The following PHEX variants were observed in gnomAD, a reference collection of about 807,000 sequenced individuals.
The protein encoded by PHEX is phosphate-regulating neutral endopeptidase PHEX.
A neutral mutation model predicts 68.0 loss-of-function variants in PHEX; 16 were observed. That is an observed-to-expected ratio of 0.24 (90% CI 0.16 to 0.36). The LOEUF is 0.36. Among genes scored for constraint, PHEX ranks in the 10% least tolerant of loss-of-function variants. The pLI is 1.00. For synonymous variants in PHEX, 208 were observed against 205.1 expected, an observed-to-expected ratio of 1.01 and a Z score of -0.12; for missense variants, 480 against 575.5, an observed-to-expected ratio of 0.83 and a Z score of 1.70.
At chrX:22,086,892 T>G (rs1034828961) in intron 5 of PHEX, among the ~76,000 whole-genome samples, 2 of 112,491 alleles carry the variant, frequency 1.8e-5, no homozygotes, top group African/African-American at 6.5e-5. Flanking sequence ...AAAACATACT[T>G]TATTTTCTGC....
Position 22,190,671 on chromosome X carries a change from C to T in PHEX, c.1645+169C>T, listed in dbSNP as rs113381174. Among the ~76,000 whole-genome samples, 2,705 of 111,681 alleles carry T rather than the reference C, an allele frequency of 0.024. 79 individuals are homozygous for T. Among genetic ancestry groups the T allele is most frequent in the African/African-American group, 0.083 (2,526 of 30,511 alleles). ...TATGCCAAATTTTCCTCACTCTCTT[C>T]ACCTTACCAGTTTTTTTTAAAGCTT... On this transcript the variant is annotated intron_variant, in intron 15 of 21. Transcript: ENST00000379374.
At chrX:22,196,867 G>C (rs35972604) in intron 15 of PHEX, among the ~76,000 whole-genome samples, 11,987 of 111,070 alleles carry the variant, frequency 0.11, 1,604 homozygotes, top group African/African-American at 0.37. Flanking sequence ...TGGGCTTATG[G>C]GGGCATCGAA....
At chrX:22,060,032 G>A (rs1023994551) in intron 3 of PHEX, among the ~76,000 whole-genome samples, 5 of 109,867 alleles carry the variant, frequency 4.6e-5, no homozygotes, top group South Asian at 3.9e-4. Flanking sequence ...GTGTACATCT[G>A]TAGTCCCAGC....
chrX:22,235,460 C>T (rs151044551), intron 20 of PHEX, among the ~76,000 whole-genome samples: 1,576 of 111,792 alleles, frequency 0.014, 15 homozygotes, highest in Middle Eastern at 0.023. Context: ...AGTCTGCGAT[C>T]AGAGTGCTAG....
At chrX:22,233,027 TA>T (rs1450826996) in intron 20 of PHEX, among the ~76,000 whole-genome samples, 1 of 111,621 alleles carries the variant, frequency 9.0e-6, no homozygotes, top group Non-Finnish European at 1.9e-5. Context: ...TGCTTGTCTG[TA>T]AAGGATTTTA....
intron 11 of PHEX, among the ~76,000 whole-genome samples, chrX:22,124,432 GC>G (rs1438980986): frequency 1.8e-5 from 2 of 111,679 alleles, no homozygotes; most frequent in African/African-American, 6.5e-5. Context: ...CATATTATCA[GC>G]CACAGTCTTG....
chrX:22,226,460 C>G lies in PHEX; in HGVS notation c.1917C>G (p.Thr639=). ...KAGLNVKGKR[T]LGENIADNGG... is the part of the protein sequence containing the mutation. The stretch of plus-strand genomic sequence containing the variant: ...TCTGTTAGGTCAAGGGGAAGAGGAC[C>G]CTGGGAGAAAATATTGCTGATAATG... The change falls in exon 19 of 22, where the codon ACC becomes ACG. Residue 639 remains threonine, a synonymous_variant. Coordinates refer to ENST00000379374, the MANE Select transcript of PHEX (RefSeq NM_000444.6). 1.7e-6 allele frequency: 2 copies of G among 1,204,628 alleles called. No individual in the cohort carries two copies. The highest frequency in any genetic ancestry group is 2.2e-6 in the Non-Finnish European group (2 of 890,488).
intron 3 of PHEX, among the ~76,000 whole-genome samples, chrX:22,054,940 G>A (rs1431051585): frequency 3.7e-5 from 4 of 108,745 alleles, no homozygotes; most frequent in African/African-American, 1.3e-4. Flanking sequence ...TTGGGAAGCC[G>A]AGGCGGTTGG....
At chrX:22,216,492 C>G (rs980872176) in intron 16 of PHEX, among the ~76,000 whole-genome samples, 5 of 88,041 alleles carry the variant, frequency 5.7e-5, no homozygotes, top group African/African-American at 2.4e-4. Flanking sequence ...TTTTTTTATG[C>G]TTATTTATTT....
At chrX:22,240,936 AG>A (rs1399767663) in intron 20 of PHEX, among the ~76,000 whole-genome samples, 1 of 112,333 alleles carries the variant, frequency 8.9e-6, no homozygotes, top group East Asian at 2.8e-4. Context: ...AGGCATCTAC[AG>A]AACTGTCCAT....
intron 3 of PHEX, among the ~76,000 whole-genome samples, chrX:22,062,687 T>G (rs1928426314): frequency 9.0e-6 from 1 of 111,219 alleles, no homozygotes; most frequent in South Asian, 3.8e-4. Flanking sequence ...AAAACACAGA[T>G]GCCTGAGGCC....
At chrX:22,055,174 C>CAAAAAAAAAAAAAAAAAAAAAAAAA (rs111628195) in intron 3 of PHEX, among the ~76,000 whole-genome samples, 11 of 66,083 alleles carry the variant, frequency 1.7e-4, no homozygotes, top group African/African-American at 2.4e-4. Context: ...GACTCCAGCT[C>CAAAAAAAAAAAAAAAAAAAAAAAAA]AAAAAAAAAA....
intron 11 of PHEX, among the ~76,000 whole-genome samples, chrX:22,130,012 G>T (rs993267050): frequency 2.7e-5 from 3 of 111,294 alleles, no homozygotes; most frequent in Admixed American, 1.9e-4. Flanking sequence ...ATTGAATGAC[G>T]GTGTTTGCCA....
intron 11 of PHEX, among the ~76,000 whole-genome samples, chrX:22,130,405 G>C (rs1351825738): frequency 1.8e-5 from 2 of 109,590 alleles, no homozygotes; most frequent in Non-Finnish European, 3.8e-5. Context: ...AGCTGGGCAT[G>C]GTGGTGCATG....
chrX:22,127,485 T>C (rs749630521), intron 11 of PHEX, among the ~76,000 whole-genome samples: 260 of 111,708 alleles, frequency 2.3e-3, no homozygotes, highest in Middle Eastern at 0.014. Context: ...AATGTTATTA[T>C]GTGATGCTGT....
At chrX:22,125,926 A>G (rs1400157592) in intron 11 of PHEX, among the ~76,000 whole-genome samples, 1 of 109,739 alleles carries the variant, frequency 9.1e-6, no homozygotes, top group Non-Finnish European at 1.9e-5. Flanking sequence ...TTTTCTCTTT[A>G]TACTATTGGA....
chrX:22,217,730 T>A (rs1935137077), intron 16 of PHEX, among the ~76,000 whole-genome samples: 1 of 111,737 alleles, frequency 8.9e-6, no homozygotes, highest in African/African-American at 3.3e-5. Context: ...AGTTAACTAA[T>A]CAGTTAAATC....
intron 9 of PHEX, among the ~76,000 whole-genome samples, chrX:22,103,022 A>T (rs1445068293): frequency 1.8e-5 from 2 of 112,087 alleles, no homozygotes; most frequent in Non-Finnish European, 3.8e-5. Context: ...TTTACAGATG[A>T]GGAAGCTGAG....
chrX:22,208,527 G>A (rs866054270), intron 15 of PHEX, among the ~76,000 whole-genome samples: 5 of 112,092 alleles, frequency 4.5e-5, no homozygotes, highest in Non-Finnish European at 9.4e-5. Context: ...TACAAGCCAT[G>A]CAGCAATGAA....
Sources: allele counts gnomAD v4.1 joint callset (sites outside exome capture counted in the v4.1 genomes callset), GRCh38; gene constraint gnomAD v4.1.1; transcripts MANE v1.5; gene names NCBI Gene and HGNC (gene_info 2026-07-23, HGNC 2026-07-21).